PLPPR1: variants seen among roughly 807,000 people sequenced by gnomAD.
The protein encoded by PLPPR1 is phospholipid phosphatase-related protein type 1.
In PLPPR1, 10 loss-of-function variants were observed where a neutral mutation model predicts 33.1. That is an observed-to-expected ratio of 0.30 (90% CI 0.19 to 0.51). The LOEUF (loss-of-function observed/expected upper bound fraction) is 0.51. Among genes scored for constraint, PLPPR1 ranks in the 20% least tolerant of loss-of-function variants. The pLI, the probability that PLPPR1 is intolerant of heterozygous loss-of-function variation, is 0.97. For missense variants in PLPPR1, 304 were observed against 408.1 expected (o/e 0.74, Z 2.20); for synonymous variants, 151 against 151.0 (o/e 1.00, Z 0.00).
chr9:101,299,142 A>C (rs908475928), intron 4 of PLPPR1, among the ~76,000 whole-genome samples: 1 of 152,244 alleles, frequency 6.6e-6, no homozygotes, highest in Non-Finnish European at 1.5e-5. Context: ...GCCTATAAGC[A>C]GATGGAGATA....
rs1476718820 is a variant in PLPPR1, at chr9:101,029,051, C to G, written c.-97C>G. On this transcript the variant is annotated 5_prime_UTR_variant, in exon 1 of 8. Transcript: ENST00000374874. ...CCGCCGCCTGAATGTACCTCGCTCC[C>G]GGGAGCCGGACGGCCCAGTAGGGCG... The G allele has an allele frequency of 6.5e-6, 1 of 152,674 alleles. No individual in the cohort carries two copies. Among genetic ancestry groups the G allele is most frequent in the Non-Finnish European group, 1.5e-5 (1 of 68,116 alleles). The allele number at this position is 152,674 out of a possible 1,614,324, so 9.5% of individuals were successfully genotyped here.
intron 1 of PLPPR1, among the ~76,000 whole-genome samples, chr9:101,150,051 T>C (rs1831563038): frequency 6.6e-6 from 1 of 152,084 alleles, no homozygotes; most frequent in Non-Finnish European, 1.5e-5. Context: ...TTTTCAGTTG[T>C]GTTTATTTTA....
intron 2 of PLPPR1, among the ~76,000 whole-genome samples, chr9:101,223,375 T>C (rs1223703070): frequency 6.6e-6 from 1 of 151,882 alleles, no homozygotes; most frequent in Non-Finnish European, 1.5e-5. Flanking sequence ...GTGCTATATT[T>C]TGAGATAACT....
intron 5 of PLPPR1, among the ~76,000 whole-genome samples, chr9:101,310,089 TTTTC>T (rs1269384198): frequency 2.0e-5 from 3 of 152,158 alleles, no homozygotes; most frequent in South Asian, 2.1e-4. Context: ...TTTTCTCTGG[TTTTC>T]TTTTTGTTCT....
chr9:101,237,846 G>A (rs1465864109), intron 2 of PLPPR1, among the ~76,000 whole-genome samples: 9 of 93,478 alleles, frequency 9.6e-5, no homozygotes, highest in African/African-American at 1.8e-4. Context: ...TGCTATATAT[G>A]TGTGTGTGTA....
chr9:101,151,090 C>T (rs905611979), intron 1 of PLPPR1, among the ~76,000 whole-genome samples: 1 of 152,010 alleles, frequency 6.6e-6, no homozygotes, highest in African/African-American at 2.4e-5. Flanking sequence ...AACACCTTTA[C>T]ATCTTTAAGC....
chr9:101,118,384 A>G (rs1331454523), intron 1 of PLPPR1, among the ~76,000 whole-genome samples: 1 of 152,246 alleles, frequency 6.6e-6, no homozygotes, highest in African/African-American at 2.4e-5. Context: ...ATAAAGGTCT[A>G]AAAGAGAGAG....
rs1410269788 is a variant in PLPPR1, at chr9:101,324,559, A to T, written c.*502A>T. On this transcript the variant is annotated 3_prime_UTR_variant, in exon 8 of 8. Transcript: ENST00000374874. ...AAATTGTCTTCAAAAAGAATGTTGC[A>T]CTCTGATCTCTTAACAAATTGTTAC... 6.5e-6 allele frequency: 1 copy of T among 152,766 alleles called. No individual in the cohort carries two copies. The highest frequency in any genetic ancestry group is 1.9e-4 in the East Asian group (1 of 5,196). The allele number at this position is 152,766 out of a possible 1,614,324, so 9.5% of individuals were successfully genotyped here.
intron 4 of PLPPR1, among the ~76,000 whole-genome samples, chr9:101,298,862 G>T (rs968481489): frequency 2.0e-5 from 3 of 152,230 alleles, no homozygotes; most frequent in Admixed American, 6.5e-5. Flanking sequence ...TGTGGCAGCA[G>T]ATATGTAATT....
intron 1 of PLPPR1, among the ~76,000 whole-genome samples, chr9:101,102,093 C>CTTTTTT (rs397937393): frequency 2.8e-5 from 2 of 71,902 alleles, no homozygotes; most frequent in African/African-American, 1.1e-4. Context: ...GTAGGAACAA[C>CTTTTTT]TTTTTTTTTT....
intron 1 of PLPPR1, among the ~76,000 whole-genome samples, chr9:101,163,628 G>A (rs1209062260): frequency 6.6e-6 from 1 of 152,136 alleles, no homozygotes; most frequent in Non-Finnish European, 1.5e-5. Context: ...CTGAAGCACA[G>A]GTTGTTTAAT....
At chr9:101,208,079 G>A (rs1826621899) in intron 2 of PLPPR1, among the ~76,000 whole-genome samples, 1 of 152,128 alleles carries the variant, frequency 6.6e-6, no homozygotes, top group Non-Finnish European at 1.5e-5. Context: ...CCCTTAAAAG[G>A]GAGCATATAT....
rs73656181 is a variant in PLPPR1 at position 101,183,809 on chromosome 9, C to G, written c.-45-1641C>G. Among the ~76,000 whole-genome samples the G allele has an allele frequency of 8.5e-3, 1,291 of 151,424 alleles. 17 individuals carry two copies. The highest frequency in any genetic ancestry group is 0.029 in the African/African-American group (1,219 of 41,386). On this transcript the variant is annotated intron_variant, in intron 1 of 7. Coordinates refer to ENST00000374874, the MANE Select transcript of PLPPR1 (RefSeq NM_207299.2). The stretch of plus-strand genomic sequence containing the variant: ...GGGAATTTTGTATCCTAAAGCTTGT[C>G]TTATATTCTCCACTTTATTGTTATT...
chr9:101,278,400 C>T (rs1037148910), intron 3 of PLPPR1, among the ~76,000 whole-genome samples: 10 of 152,090 alleles, frequency 6.6e-5, no homozygotes, highest in African/African-American at 1.7e-4. Flanking sequence ...GCTATCCATG[C>T]GCTAAAATAG....
intron 1 of PLPPR1, among the ~76,000 whole-genome samples, chr9:101,169,379 T>C (rs944399092): frequency 1.3e-5 from 2 of 152,074 alleles, no homozygotes; most frequent in African/African-American, 2.4e-5. Context: ...AAAATAGAGG[T>C]AAACAATAAG....
At chr9:101,150,323 G>A (rs1831565992) in intron 1 of PLPPR1, among the ~76,000 whole-genome samples, 1 of 151,830 alleles carries the variant, frequency 6.6e-6, no homozygotes, top group Non-Finnish European at 1.5e-5. Context: ...CTTCTTTATT[G>A]GAGGAATTCA....
At chr9:101,080,250 C>T (rs1220994691) in intron 1 of PLPPR1, among the ~76,000 whole-genome samples, 1 of 152,138 alleles carries the variant, frequency 6.6e-6, no homozygotes, top group Admixed American at 6.5e-5. Flanking sequence ...TCTTACAGAA[C>T]TTCTGATATG....
Position 101,216,099 on chromosome 9 carries a change from T to G in PLPPR1, c.63+30542T>G, listed in dbSNP as rs529816145. Among the ~76,000 whole-genome samples, 34 of 152,318 alleles carry G rather than the reference T, an allele frequency of 2.2e-4. No homozygotes were observed. The South Asian group carries it at 4.8e-3, about 21-fold the overall frequency. On this transcript the variant is annotated intron_variant, in intron 2 of 7. Transcript: ENST00000374874. ...CTGTAGTGGTTGTACTAATTTACAT[T>G]CCCACCAACAGTGTATGAAGGTTTT...
At chr9:101,284,463 T>C (rs1421951012) in intron 3 of PLPPR1, among the ~76,000 whole-genome samples, 1 of 152,208 alleles carries the variant, frequency 6.6e-6, no homozygotes, top group Non-Finnish European at 1.5e-5. Context: ...ACTGTGACTA[T>C]AATTAATAAA....
Sources: gnomAD v4.1 joint callset for allele counts (sites outside exome capture counted in the v4.1 genomes callset) on GRCh38, gnomAD v4.1.1 for gene constraint, MANE v1.5 for transcripts, NCBI Gene and HGNC (gene_info 2026-07-23, HGNC 2026-07-21) for gene names.